SP140L: variants seen among roughly 807,000 people sequenced by gnomAD.
The protein encoded by SP140L is SP140 like nuclear body protein.
In SP140L, 64 loss-of-function variants were observed where a neutral mutation model predicts 84.3. That is an observed-to-expected ratio of 0.76 (90% CI 0.62 to 0.94). The LOEUF is 0.94. Ranked by LOEUF, SP140L falls within the 40% of genes least tolerant of loss-of-function variation. The pLI is 0.00. For synonymous variants in SP140L, 242 were observed against 236.9 expected (o/e 1.02, Z -0.20); for missense variants, 628 against 692.5 (o/e 0.91, Z 1.05).
chr2:230,350,052 T>C (rs184819247), intron 2 of SP140L, among the ~76,000 whole-genome samples: 183 of 152,240 alleles, frequency 1.2e-3, no homozygotes, highest in African/African-American at 4.3e-3. Flanking sequence ...AGTCTTATTC[T>C]ATTTGTTTAT....
chr2:230,394,619 G>A (rs72998203), intron 13 of SP140L, among the ~76,000 whole-genome samples: 40,818 of 152,080 alleles, frequency 0.27, 5,831 homozygotes, highest in Non-Finnish European at 0.31. Context: ...TGACCCAAAT[G>A]AGCTGGCAAT....
chr2:230,358,860 C>T, intron 3 of SP140L, 104 bp from the exon 4 acceptor site: 1 of 911,972 alleles, frequency 1.1e-6, no homozygotes, highest in South Asian at 1.9e-5. Flanking sequence ...GAGAAGATAC[C>T]TCTGAAGAGA....
At chr2:230,385,146 C>G in intron 8 of SP140L, 78 bp from the exon 9 acceptor site, 1 of 1,443,444 alleles carries the variant, frequency 6.9e-7, no homozygotes, top group Non-Finnish European at 9.6e-7. Context: ...CCAGGACTCC[C>G]TCACTTGCGT....
At chr2:230,389,313 A>C (rs1363994380) in intron 10 of SP140L, among the ~76,000 whole-genome samples, 1 of 152,102 alleles carries the variant, frequency 6.6e-6, no homozygotes, top group Non-Finnish European at 1.5e-5. Context: ...CTACTTCTGT[A>C]GTATCCGGTT....
chr2:230,341,446 C>T lies in SP140L; in HGVS notation c.107+12615C>T, dbSNP rs1453477850. ...TTTGCCTTTGGTTTGAATGTCCGCC[C>T]GTAGCTCAGAGTAATTTGATCGTCT... On this transcript the variant is annotated intron_variant, in intron 2 of 18. Transcript: ENST00000415673. Among the ~76,000 whole-genome samples, 773 of 131,704 alleles carry T rather than the reference C, an allele frequency of 5.9e-3. 3 individuals carry two copies. The highest frequency in any genetic ancestry group is 7.5e-3 in the Non-Finnish European group (475 of 63,080). The allele number at this position is 131,704 out of a possible 152,430, so 86.4% of individuals were successfully genotyped here. A position where few individuals can be genotyped will look rare whatever the true frequency, so the allele number is the denominator to read the frequency against.
Position 230,392,239 on chromosome 2 carries a change from T to A in SP140L, c.1107+10T>A. On this transcript the variant is annotated intron_variant, in intron 12 of 18. Coordinates refer to ENST00000415673, the MANE Select transcript of SP140L (RefSeq NM_138402.6). ...ACGACGGCTGATGGAGGTATTCCAA[T>A]GACAAGAGGCCAGACCTGTGCCCAT... is the stretch of plus-strand genomic sequence containing the variant. 6.2e-7 allele frequency: 1 copy of A among 1,613,632 alleles called. No homozygotes were observed.
At chr2:230,331,275 T>A (rs1439039258) in intron 2 of SP140L, among the ~76,000 whole-genome samples, 1 of 152,226 alleles carries the variant, frequency 6.6e-6, no homozygotes, top group Non-Finnish European at 1.5e-5. Context: ...ATATTATTTT[T>A]AATCTCTTAT....
At chr2:230,395,085 C>T (rs1359104185) in intron 13 of SP140L, among the ~76,000 whole-genome samples, 1 of 152,090 alleles carries the variant, frequency 6.6e-6, no homozygotes, top group Admixed American at 6.5e-5. Flanking sequence ...TCTCCTGCCT[C>T]AGCCTCCCAA....
chr2:230,356,315 T>C (rs1327910915), intron 2 of SP140L, among the ~76,000 whole-genome samples: 1 of 152,184 alleles, frequency 6.6e-6, no homozygotes, highest in Non-Finnish European at 1.5e-5. Flanking sequence ...AGCAGTTTTA[T>C]TCATACTAGT....
At chr2:230,366,825 C>T (rs527618530) in intron 5 of SP140L, among the ~76,000 whole-genome samples, 86 of 151,622 alleles carry the variant, frequency 5.7e-4, no homozygotes, top group African/African-American at 1.8e-3. Context: ...CCTTCGTCTC[C>T]GGATTCAAGT....
intron 11 of SP140L, among the ~76,000 whole-genome samples, chr2:230,390,547 T>A (rs1406376557): frequency 6.6e-6 from 1 of 152,224 alleles, no homozygotes; most frequent in Non-Finnish European, 1.5e-5. Flanking sequence ...ACCTACCTCA[T>A]GATGTAGCTG....
chr2:230,377,647 T>C (rs999526434), intron 7 of SP140L, among the ~76,000 whole-genome samples: 1 of 152,002 alleles, frequency 6.6e-6, no homozygotes, highest in Non-Finnish European at 1.5e-5. Context: ...TTTTGGGGAG[T>C]GAATGCCCAG....
At chr2:230,357,229 A>C (rs1182778848) in intron 2 of SP140L, among the ~76,000 whole-genome samples, 1 of 152,216 alleles carries the variant, frequency 6.6e-6, no homozygotes, top group Non-Finnish European at 1.5e-5. Context: ...GTTCCAGGAG[A>C]TATCACTGAT....
chr2:230,364,421 G>T (rs1384345932), intron 5 of SP140L, among the ~76,000 whole-genome samples: 1 of 151,938 alleles, frequency 6.6e-6, no homozygotes, highest in East Asian at 1.9e-4. Context: ...AAATTGGATT[G>T]TTTTATTGAT....
intron 2 of SP140L, among the ~76,000 whole-genome samples, chr2:230,355,780 G>C (rs1022691456): frequency 1.3e-5 from 2 of 151,954 alleles, no homozygotes; most frequent in East Asian, 3.8e-4. Flanking sequence ...ATTCTTCTTA[G>C]TACACTAAAG....
intron 5 of SP140L, among the ~76,000 whole-genome samples, chr2:230,369,305 G>A (rs11895690): frequency 0.25 from 38,576 of 151,992 alleles, 5,223 homozygotes; most frequent in Non-Finnish European, 0.3. Flanking sequence ...CAGTGCATGA[G>A]AGGCAGCTTG....
intron 11 of SP140L, among the ~76,000 whole-genome samples, chr2:230,390,896 C>T (rs1197577260): frequency 6.6e-6 from 1 of 152,176 alleles, no homozygotes; most frequent in South Asian, 2.1e-4. Context: ...TCCCACCTCA[C>T]CCCAATGCCC....
chr2:230,389,769 A>G, intron 10 of SP140L, 150 bp from the exon 11 acceptor site: 1 of 758,852 alleles, frequency 1.3e-6, no homozygotes, highest in Non-Finnish European at 2.2e-6. Context: ...CCGATCAAAA[A>G]TGCCACTTGG....
At chr2:230,366,777 A>G (rs1228602744) in intron 5 of SP140L, among the ~76,000 whole-genome samples, 1 of 150,670 alleles carries the variant, frequency 6.6e-6, no homozygotes, top group Non-Finnish European at 1.5e-5. Context: ...TCTGTCACCC[A>G]GGCTAGATTG....
Sources: allele counts gnomAD v4.1 joint callset (sites outside exome capture counted in the v4.1 genomes callset), GRCh38; gene constraint gnomAD v4.1.1; transcripts MANE v1.5; gene names NCBI Gene and HGNC (gene_info 2026-07-23, HGNC 2026-07-21).